Variants in MINK1 observed in about 807,000 individuals in gnomAD.
MINK1 encodes the protein misshapen like kinase 1.
In MINK1, 46 loss-of-function variants were observed where a neutral mutation model predicts 178.4. That is an observed-to-expected ratio of 0.26 (90% CI 0.20 to 0.33). MINK1 has a LOEUF of 0.33. Among genes scored for constraint, MINK1 ranks in the 10% least tolerant of loss-of-function variants. The pLI, the probability that MINK1 is intolerant of heterozygous loss-of-function variation, is 1.00. For missense variants in MINK1, 1,366 were observed against 1,814.9 expected, an observed-to-expected ratio of 0.75 and a Z score of 4.49; for synonymous variants, 797 against 709.7, an observed-to-expected ratio of 1.12 and a Z score of -1.96.
At chr17:4,868,277 C>T (rs1230580262) in intron 1 of MINK1, among the ~76,000 whole-genome samples, 1 of 152,078 alleles carries the variant, frequency 6.6e-6, no homozygotes, top group Non-Finnish European at 1.5e-5. Context: ...GTGCCCAACC[C>T]TCTTCTAGCT....
At chr17:4,872,805 C>T (rs182824665) in intron 1 of MINK1, among the ~76,000 whole-genome samples, 46 of 152,220 alleles carry the variant, frequency 3.0e-4, no homozygotes, top group African/African-American at 1.0e-3. Context: ...AACATCCACC[C>T]TTTTTGGCTT....
intron 4 of MINK1, 24 bp downstream of exon 4, chr17:4,881,281 C>T (rs1186102031): frequency 3.3e-6 from 5 of 1,534,864 alleles, no homozygotes; most frequent in Non-Finnish European, 4.4e-6. Flanking sequence ...CCCTGCCCGC[C>T]TTCCCTCCCC....
rs1182562796 is a variant in MINK1 at position 4,893,004 on chromosome 17, T to C, written c.2337T>C (p.Pro779=). The part of the protein sequence containing the change: ...VGVSSKPDSS[P]VLSPGNKAKP... ...TCTCCTCCAAACCGGACAGCTCCCC[T>C]GTGCTCTCCCCTGGGAATAAAGCCA... The change falls in exon 20 of 32, where the codon CCT becomes CCC. Residue 779 remains proline, a synonymous_variant. Transcript: ENST00000355280. 4 of 1,578,916 alleles carry C rather than the reference T, an allele frequency of 2.5e-6. No individual in the cohort carries two copies. The highest frequency in any genetic ancestry group is 3.4e-6 in the Non-Finnish European group (4 of 1,163,900).
At chr17:4,854,088 T>C (rs1912634219) in intron 1 of MINK1, among the ~76,000 whole-genome samples, 1 of 152,088 alleles carries the variant, frequency 6.6e-6, no homozygotes, top group Non-Finnish European at 1.5e-5. Context: ...ACTGTGATGG[T>C]GTTTATTTTT....
At chr17:4,881,934 C>T (rs1436942546) in intron 4 of MINK1, among the ~76,000 whole-genome samples, 2 of 152,256 alleles carry the variant, frequency 1.3e-5, no homozygotes, top group Non-Finnish European at 1.5e-5. Flanking sequence ...GGAGTTTTGG[C>T]GCTGACGCCA....
chr17:4,893,225 C>G, intron 20 of MINK1, 158 bp downstream of exon 20: 1 of 1,523,458 alleles, frequency 6.6e-7, no homozygotes, highest in Admixed American at 1.8e-5. Flanking sequence ...TTCCTAACCT[C>G]TCTCCTAACC....
At chr17:4,842,960 G>C (rs1021495372) in intron 1 of MINK1, among the ~76,000 whole-genome samples, 1 of 152,224 alleles carries the variant, frequency 6.6e-6, no homozygotes, top group Non-Finnish European at 1.5e-5. Flanking sequence ...CAGCACAGCT[G>C]AGCGGGATGA....
chr17:4,840,728 A>G (rs1324155473), intron 1 of MINK1, among the ~76,000 whole-genome samples: 12 of 152,188 alleles, frequency 7.9e-5, no homozygotes, highest in Non-Finnish European at 7.3e-5. Flanking sequence ...CTCCATTTAC[A>G]TTGTATACAA....
At chr17:4,834,768 C>T (rs1281796576) in intron 1 of MINK1, 1 of 519,958 alleles carries the variant, frequency 1.9e-6, no homozygotes, top group African/African-American at 1.9e-5. Flanking sequence ...AGCAGGACTT[C>T]CCATCTCTAG....
intron 4 of MINK1, among the ~76,000 whole-genome samples, 189 bp from the exon 5 acceptor site, chr17:4,884,174 C>T (rs538855154): frequency 7.2e-5 from 11 of 152,128 alleles, no homozygotes; most frequent in African/African-American, 2.2e-4. Flanking sequence ...GCCTTTTTCC[C>T]TCTCTGTCTT....
intron 21 of MINK1, 173 bp from the exon 22 acceptor site, chr17:4,893,815 T>A: frequency 1.2e-6 from 1 of 868,790 alleles, no homozygotes; most frequent in South Asian, 1.9e-5. Context: ...CAGCCTGCCC[T>A]GTGTGCCATG....
chr17:4,893,988 C>T lies in MINK1; in HGVS notation c.2565C>T (p.Arg855=). The T allele has an allele frequency of 6.4e-7, 1 of 1,571,664 alleles. No individual in the cohort carries two copies. Among genetic ancestry groups the T allele is most frequent in the Non-Finnish European group, 8.6e-7 (1 of 1,159,706 alleles). ...GGGGCCCCACCTTCCTCTCTCACAG[C>T]AGCGATGGGGATACAGACAGCGTCA... ...AEGSRDTPGG[R]SDGDTDSVST... is the part of the protein sequence containing the mutation. The change falls in exon 22 of 32, where the codon CGC becomes CGT. Residue 855 remains arginine (R), a splice_region_variant and synonymous_variant. Transcript: ENST00000355280.
At chr17:4,892,921 G>C in intron 19 of MINK1, 58 bp from the exon 20 acceptor site, 1 of 1,465,352 alleles carries the variant, frequency 6.8e-7, no homozygotes, top group Non-Finnish European at 9.3e-7. Flanking sequence ...CTCAGGGTGT[G>C]GGCTTGAGGC....
chr17:4,835,740 T>C (rs997935235), intron 1 of MINK1, among the ~76,000 whole-genome samples: 1 of 152,206 alleles, frequency 6.6e-6, no homozygotes, highest in Non-Finnish European at 1.5e-5. Flanking sequence ...TAGTTTGGCC[T>C]GGACCCTCAA....
chr17:4,846,679 G>T (rs1287450362), intron 1 of MINK1, among the ~76,000 whole-genome samples: 3 of 152,136 alleles, frequency 2.0e-5, no homozygotes, highest in African/African-American at 7.2e-5. Flanking sequence ...ATCTTATTAT[G>T]ACTTTTTTTG....
At chr17:4,851,999 C>CAAAAAAAAAAAAAA (rs535581252) in intron 1 of MINK1, among the ~76,000 whole-genome samples, 1 of 69,444 alleles carries the variant, frequency 1.4e-5, no homozygotes, top group African/African-American at 6.4e-5. Flanking sequence ...GACTCTGTCT[C>CAAAAAAAAAAAAAA]AAAAAAAAAA....
At chr17:4,893,788 C>T in intron 21 of MINK1, 191 bp downstream of exon 21, 1 of 938,274 alleles carries the variant, frequency 1.1e-6, no homozygotes, top group Non-Finnish European at 1.5e-6. Flanking sequence ...TCTTCAAGTG[C>T]CTGTCTGCCC....
intron 14 of MINK1, 33 bp from the exon 15 acceptor site, chr17:4,890,918 A>T: frequency 6.4e-7 from 1 of 1,551,716 alleles, no homozygotes; most frequent in Non-Finnish European, 8.7e-7. Flanking sequence ...GGGAGGCAAG[A>T]GCTGGCCTGC....
chr17:4,890,177 C>T (rs1306418062), intron 13 of MINK1: 2 of 1,021,160 alleles, frequency 2.0e-6, no homozygotes, highest in African/African-American at 1.6e-5. Context: ...CTGCCTCTTC[C>T]TCCTTCCCTG....
Sources: gnomAD v4.1 joint callset for allele counts (sites outside exome capture counted in the v4.1 genomes callset) on GRCh38, gnomAD v4.1.1 for gene constraint, MANE v1.5 for transcripts, NCBI Gene and HGNC (gene_info 2026-07-23, HGNC 2026-07-21) for gene names.